The following PBK variants were observed in gnomAD, a reference collection of about 807,000 sequenced individuals.
The protein encoded by PBK is lymphokine-activated killer T-cell-originated protein kinase.
PBK carries 22 observed loss-of-function variants against 33.5 expected under a neutral mutation model. The observed-to-expected ratio is 0.66, with a 90% CI of 0.47 to 0.94. The LOEUF (loss-of-function observed/expected upper bound fraction) is 0.94. Among genes scored for constraint, PBK ranks in the 40% least tolerant of loss-of-function variants. The probability of loss-of-function intolerance (pLI) is 0.00; values close to 1 mark genes in which losing one functional copy is unlikely to be tolerated. For missense variants in PBK, 376 were observed against 383.4 expected (o/e 0.98, Z 0.16); for synonymous variants, 129 against 123.8 (o/e 1.04, Z -0.28).
chr8:27,816,362 T>TATATATATATATATATATATATATATATA (rs1491202470), intron 6 of PBK, among the ~76,000 whole-genome samples: 1 of 130,250 alleles, frequency 7.7e-6, no homozygotes, highest in Non-Finnish European at 1.6e-5. Flanking sequence ...TATATATTTA[T>TATATATATATATATATATATATATATATA]TTATTTATTT....
rs539238585 is a variant in PBK at position 27,836,381 on chromosome 8, G to A, written c.-21+1271C>T. Among the ~76,000 whole-genome samples, 6 of 152,048 alleles carry A rather than the reference G, an allele frequency of 3.9e-5. No homozygotes were observed. In the South Asian group the frequency reaches 1.2e-3, roughly 32 times the overall value. Reference sequence around the variant, plus strand: ...GTAGTCACAGTCAAGATTTCAGCTTGTACTGAGAAACAGAAAGCTGTTGGA... The same window carrying A: ...GTAGTCACAGTCAAGATTTCAGCTTATACTGAGAAACAGAAAGCTGTTGGA... On this transcript the variant is annotated intron_variant, in intron 1 of 7. Transcript: ENST00000301905.
chr8:27,823,793 G>A (rs904361694), intron 3 of PBK, among the ~76,000 whole-genome samples: 8 of 151,974 alleles, frequency 5.3e-5, no homozygotes, highest in Admixed American at 3.3e-4. Context: ...GGAAGATTCA[G>A]CCATTTTACA....
Position 27,820,608 on chromosome 8 carries a change from G to T in PBK, c.552C>A (p.Ile184=). The T allele has an allele frequency of 1.9e-6, 3 of 1,573,086 alleles. No individual in the cohort carries two copies. The highest frequency in any genetic ancestry group is 2.6e-6 in the Non-Finnish European group (3 of 1,145,104). ...GTGGTAGAGAGACTCCTACATCACA[G>T]ATTTTAATTGTTTCAAAATCGCCTT... The part of the protein sequence containing the change: ...VIKGDFETIK[I]CDVGVSLPLD... Residue 184 remains isoleucine, a synonymous_variant, in exon 6 of 8, where the codon ATC becomes ATA. Transcript: ENST00000301905.
intron 2 of PBK, 144 bp from the exon 3 acceptor site, chr8:27,828,342 G>A (rs2128964880): frequency 4.5e-6 from 2 of 439,722 alleles, no homozygotes; most frequent in Non-Finnish European, 8.0e-6. Context: ...AATTTTAAAT[G>A]GGTATCTTTT....
chr8:27,835,032 G>T (rs1806202763), intron 1 of PBK, among the ~76,000 whole-genome samples: 1 of 151,852 alleles, frequency 6.6e-6, no homozygotes, highest in Non-Finnish European at 1.5e-5. Context: ...AAAAAATTAG[G>T]TTTCCTATTA....
rs777701544 is a variant in PBK at position 27,833,072 on chromosome 8, T to C, written c.42A>G (p.Ser14=). The C allele has an allele frequency of 1.1e-5, 17 of 1,595,732 alleles. No homozygotes were observed. Among genetic ancestry groups the C allele is most frequent in the Admixed American group, 7.1e-5 (4 of 56,574 alleles). ...ISNFKTPSKL[S]EKKKSVLCST... ...CTATCTTACCAGATTTCTTTTTTTC[T>C]GATAATTTGCTTGGTGTCTTGAAAT... The change falls in exon 2 of 8, where the codon TCA becomes TCG. Residue 14 remains serine, a synonymous_variant. Transcript: ENST00000301905.
In PBK at chr8:27,810,540, CT is replaced by C. The variant is rs1182412501; in HGVS notation, c.773-40del. The C allele has an allele frequency of 3.1e-6, 4 of 1,307,156 alleles. No individual in the cohort carries two copies. The South Asian group carries it at 5.0e-5, about 16-fold the overall frequency. The allele number at this position is 1,307,156 out of a possible 1,614,324, so 81.0% of individuals were successfully genotyped here. ...GAGATTGAAACAATAAACAAAATCACTTTATGTCATGGAAAAGTTTAATAGC... is the reference window on the plus strand; with the variant it reads ...GAGATTGAAACAATAAACAAAATCACTTATGTCATGGAAAAGTTTAATAGC... On this transcript the variant is annotated intron_variant, in intron 7 of 7. Coordinates refer to ENST00000301905, the MANE Select transcript of PBK (RefSeq NM_018492.4).
chr8:27,813,235 A>G (rs1446329620), intron 6 of PBK, among the ~76,000 whole-genome samples: 1 of 152,090 alleles, frequency 6.6e-6, no homozygotes, highest in Admixed American at 6.6e-5. Flanking sequence ...ACCAAACACC[A>G]CATGTCCTGA....
rs770198812 is a variant in PBK at position 27,820,710 on chromosome 8, A to AT, written c.466-17dup. ...GGTGCAGATACTAAAATAGTAAAAA[A>AT]TTTAACACATATGTGCAGAAACACA... On this transcript the variant is annotated splice_polypyrimidine_tract_variant and intron_variant, in intron 5 of 7. Coordinates refer to ENST00000301905, the MANE Select transcript of PBK (RefSeq NM_018492.4). 2 of 1,451,488 alleles carry AT rather than the reference A, an allele frequency of 1.4e-6. No homozygotes were observed. Among genetic ancestry groups the AT allele is most frequent in the Non-Finnish European group, 1.9e-6 (2 of 1,062,652 alleles). The allele number at this position is 1,451,488 out of a possible 1,614,324, so 89.9% of individuals were successfully genotyped here.
intron 1 of PBK, among the ~76,000 whole-genome samples, chr8:27,833,935 G>A (rs968121665): frequency 2.6e-5 from 4 of 151,494 alleles, no homozygotes; most frequent in Admixed American, 1.3e-4. Flanking sequence ...GTCATAAAAA[G>A]GAATAAAGTG....
At chr8:27,815,598 C>G (rs1805795470) in intron 6 of PBK, among the ~76,000 whole-genome samples, 1 of 152,160 alleles carries the variant, frequency 6.6e-6, no homozygotes, top group African/African-American at 2.4e-5. Context: ...TTACACCGTT[C>G]AGTATATACA....
intron 6 of PBK, among the ~76,000 whole-genome samples, chr8:27,813,926 A>T (rs982004920): frequency 6.6e-5 from 10 of 151,432 alleles, no homozygotes; most frequent in Non-Finnish European, 1.3e-4. Context: ...TTATCAGTTT[A>T]TTTTTCTGTG....
At chr8:27,814,629 A>G (rs576870651) in intron 6 of PBK, among the ~76,000 whole-genome samples, 38 of 152,198 alleles carry the variant, frequency 2.5e-4, no homozygotes, top group Non-Finnish European at 4.7e-4. Context: ...CTTTTTTCCA[A>G]TATAATTTAC....
At position 27,820,516 on chromosome 8, in the gene PBK, T is replaced by TAAAC; in HGVS notation, c.595+45_595+48dup. 3.6e-6 allele frequency: 4 copies of TAAAC among 1,111,960 alleles called. No individual in the cohort carries two copies. In the South Asian group the frequency reaches 5.6e-5, roughly 16 times the overall value. 68.9% of individuals were successfully genotyped at this position (1,111,960 alleles called of 1,614,324 possible). Reference sequence around the variant, plus strand: ...ATGTGGACTTACGTATTTAAAAATGTAAACACTGTATTAAAAACAAAATTT... The same window carrying TAAAC: ...ATGTGGACTTACGTATTTAAAAATGTAAACAAACACTGTATTAAAAACAAAATTT... On this transcript the variant is annotated intron_variant, in intron 6 of 7. Transcript: ENST00000301905.
intron 2 of PBK, among the ~76,000 whole-genome samples, chr8:27,830,409 A>G (rs2128965314): frequency 6.6e-6 from 1 of 152,330 alleles, no homozygotes; most frequent in Non-Finnish European, 1.5e-5. Flanking sequence ...ATCTTAAGAC[A>G]GAGCAACAAA....
chr8:27,818,432 C>T (rs1334342706), intron 6 of PBK, among the ~76,000 whole-genome samples: 1 of 152,204 alleles, frequency 6.6e-6, no homozygotes, highest in African/African-American at 2.4e-5. Context: ...CTTCTTAGAG[C>T]TTACAAGCCT....
chr8:27,821,222 C>T (rs1469790941), intron 5 of PBK, among the ~76,000 whole-genome samples: 1 of 152,134 alleles, frequency 6.6e-6, no homozygotes, highest in South Asian at 2.1e-4. Context: ...GAAATAGATA[C>T]TTCTGCTAAC....
rs150522763 is a variant in PBK at position 27,814,346 on chromosome 8, ATTC to A, written c.596-3215_596-3213del. ...TAAAGCCGTTTATAATAGCCTAATTATTCTTTAAATGTGTGTAGAATTTACAAT... is the reference window on the plus strand; with the variant it reads ...TAAAGCCGTTTATAATAGCCTAATTATTTAAATGTGTGTAGAATTTACAAT... On this transcript the variant is annotated intron_variant, in intron 6 of 7. Transcript: ENST00000301905. Among the ~76,000 whole-genome samples the A allele has an allele frequency of 1.4e-3, 215 of 152,222 alleles. 4 individuals carry two copies. The East Asian group carries it at 0.029, about 20-fold the overall frequency.
chr8:27,822,808 AT>A (rs773822086), intron 4 of PBK, among the ~76,000 whole-genome samples: 3 of 152,202 alleles, frequency 2.0e-5, no homozygotes, highest in Non-Finnish European at 2.9e-5. Flanking sequence ...AATGAAGATC[AT>A]TTTATATTCT....
Sources: gnomAD v4.1 joint callset for allele counts (sites outside exome capture counted in the v4.1 genomes callset) on GRCh38, gnomAD v4.1.1 for gene constraint, MANE v1.5 for transcripts, NCBI Gene and HGNC (gene_info 2026-07-23, HGNC 2026-07-21) for gene names.